Variants in SPTAN1 observed in about 807,000 individuals in gnomAD.
The protein encoded by SPTAN1 is spectrin alpha chain, non-erythrocytic 1.
SPTAN1 carries 61 observed loss-of-function variants against 331.3 expected under a neutral mutation model. That is an observed-to-expected ratio of 0.18 (90% CI 0.15 to 0.23). SPTAN1 has a LOEUF of 0.23. SPTAN1 is among the 10% of genes least tolerant of loss of function. The pLI is 1.00. For synonymous variants in SPTAN1, 1,153 were observed against 1,173.9 expected, an observed-to-expected ratio of 0.98 and a Z score of 0.36; for missense variants, 2,043 against 3,147.9, an observed-to-expected ratio of 0.65 and a Z score of 8.40.
chr9:128,608,353 G>C, intron 34 of SPTAN1, 77 bp downstream of exon 34: 2 of 1,571,070 alleles, frequency 1.3e-6, no homozygotes, highest in Non-Finnish European at 8.7e-7. Context: ...TATAGTCACT[G>C]TTATATCTCC....
At position 128,577,008 on chromosome 9, in the gene SPTAN1, T is replaced by C. The variant is rs1422697944; in HGVS notation, c.785+52T>C. ...AATGGGTCTCAACCTGGAGGGGAGT[T>C]GTGAAGCACAGGGCATGTGCTGGTG... On this transcript the variant is annotated intron_variant, in intron 6 of 56. Coordinates refer to ENST00000372739, the MANE Select transcript of SPTAN1 (RefSeq NM_001130438.3). The surrounding 1 kb of genome is among the most constrained non-coding windows in gnomAD (Gnocchi z 4.2). 2 of 1,613,812 alleles carry C rather than the reference T, an allele frequency of 1.2e-6. No individual in the cohort carries two copies. Among genetic ancestry groups the C allele is most frequent in the East Asian group, 2.2e-5 (1 of 44,904 alleles).
chr9:128,562,983 CATGTATGTGTATATATATATAT>C (rs1444590968), intron 1 of SPTAN1, among the ~76,000 whole-genome samples: 2,959 of 120,762 alleles, frequency 0.025, 113 homozygotes, highest in African/African-American at 0.1. Context: ...TATATATATA[CATGTATGTGTATATATATATAT>C]ATATATATAT....
rs773214983 is a variant in SPTAN1 at position 128,627,199 on chromosome 9, T to TG, written c.6577-181dup. 6.2e-6 allele frequency: 4 copies of TG among 646,086 alleles called. No homozygotes were observed. Among genetic ancestry groups the TG allele is most frequent in the Admixed American group, 4.4e-5 (2 of 45,666 alleles). The allele number at this position is 646,086 out of a possible 1,614,324, so 40.0% of individuals were successfully genotyped here. A position where few individuals can be genotyped will look rare whatever the true frequency, so the allele number is the denominator to read the frequency against. The stretch of plus-strand genomic sequence containing the variant: ...AGGTCCGCCTCTTCCTTGAAGCCCC[T>TG]GGGGGGTGGGAACAGAGAAAGAACT... On this transcript the variant is annotated intron_variant, in intron 49 of 56. Transcript: ENST00000372739. The surrounding 1 kb of genome is among the most constrained non-coding windows in gnomAD (Gnocchi z 4.9).
Position 128,577,556 on chromosome 9 carries a change from G to A in SPTAN1, c.1085+50G>A. 6.2e-7 allele frequency: 1 copy of A among 1,610,230 alleles called. No homozygotes were observed. Among genetic ancestry groups the A allele is most frequent in the Non-Finnish European group, 8.5e-7 (1 of 1,179,022 alleles). ...ACCAGTATCATTTGGCTTCTTTTTTGGAAGCAGGAATAGCAGAGTTAAGGG... is the reference window on the plus strand; with the variant it reads ...ACCAGTATCATTTGGCTTCTTTTTTAGAAGCAGGAATAGCAGAGTTAAGGG... On this transcript the variant is annotated intron_variant, in intron 8 of 56. Transcript: ENST00000372739. The surrounding 1 kb of genome is among the most constrained non-coding windows in gnomAD (Gnocchi z 4.2).
At position 128,617,706 on chromosome 9, in the gene SPTAN1, G is replaced by A. The variant is rs1857344671; in HGVS notation, c.5424G>A (p.Arg1808=). The A allele has an allele frequency of 3.1e-6, 5 of 1,614,046 alleles. No homozygotes were observed. The highest frequency in any genetic ancestry group is 4.2e-6 in the Non-Finnish European group (5 of 1,180,032). ...ACCTAACCGGCGTGCAGAACCTGAG[G>A]AAGAAGCACAAGCGGCTGGAAGCAG... ...GRDLTGVQNL[R]KKHKRLEAEL... is the part of the protein sequence containing the mutation. The change falls in exon 42 of 57, where the codon AGG becomes AGA. Residue 1808 remains arginine (R), a synonymous_variant. Coordinates refer to ENST00000372739, the MANE Select transcript of SPTAN1 (RefSeq NM_001130438.3).
At position 128,618,145 on chromosome 9, in the gene SPTAN1, G is replaced by A. The variant is rs769200048; in HGVS notation, c.5600+37G>A. The A allele has an allele frequency of 9.9e-6, 16 of 1,611,474 alleles. No homozygotes were observed. The South Asian group carries it at 1.8e-4, about 18-fold the overall frequency. ...GAGGCAGGAGCTCCCGGGAACAAGT[G>A]GAAGGCCAGCACCCAAGGGCAGACT... On this transcript the variant is annotated intron_variant, in intron 43 of 56. Transcript: ENST00000372739.
At chr9:128,605,851 G>T (rs146256117) in intron 31 of SPTAN1, among the ~76,000 whole-genome samples, 3,322 of 152,152 alleles carry the variant, frequency 0.022, 103 homozygotes, top group African/African-American at 0.076. Flanking sequence ...AATTAGCCAG[G>T]TGTGGTGGCA....
At chr9:128,578,325 A>G (rs1056109409) in intron 9 of SPTAN1, 80 bp downstream of exon 9, 10 of 1,574,006 alleles carry the variant, frequency 6.4e-6, no homozygotes, top group Middle Eastern at 1.7e-4. Flanking sequence ...GGTGAGGCCT[A>G]TAGTCGGCGT....
chr9:128,588,291 G>A (rs1011616409), intron 20 of SPTAN1, among the ~76,000 whole-genome samples: 4 of 145,112 alleles, frequency 2.8e-5, no homozygotes, highest in Non-Finnish European at 4.5e-5. Context: ...CACTGTGCCC[G>A]GCCCTACTTT....
At position 128,605,401 on chromosome 9, in the gene SPTAN1, C is replaced by T. The variant is rs147233101; in HGVS notation, c.3970C>T (p.Leu1324=). 185 of 1,614,180 alleles carry T rather than the reference C, an allele frequency of 1.1e-4. No homozygotes were observed. Among genetic ancestry groups the T allele is most frequent in the Middle Eastern group, 8.2e-4 (5 of 6,062 alleles). ...AGAGTTAAACCAGGCCTGGAGCAGCCTGGGGAAACGTGCAGATCAGCGCAA... is the reference window on the plus strand; with the variant it reads ...AGAGTTAAACCAGGCCTGGAGCAGCTTGGGGAAACGTGCAGATCAGCGCAA... ...CTELNQAWSS[L]GKRADQRKAK... Residue 1324 remains leucine, a synonymous_variant, in exon 31 of 57, where the codon CTG becomes TTG. Coordinates refer to ENST00000372739, the MANE Select transcript of SPTAN1 (RefSeq NM_001130438.3).
intron 44 of SPTAN1, among the ~76,000 whole-genome samples, chr9:128,619,427 G>T (rs1857577162): frequency 6.6e-6 from 1 of 152,216 alleles, no homozygotes; most frequent in Non-Finnish European, 1.5e-5. Flanking sequence ...AAGCAGGCAG[G>T]ACCATGTTCT....
chr9:128,633,152 C>G, intron 56 of SPTAN1, 57 bp from the exon 57 acceptor site: 2 of 1,612,348 alleles, frequency 1.2e-6, no homozygotes, highest in Non-Finnish European at 8.5e-7. Flanking sequence ...CCTGGGAGGT[C>G]GGGTTTGAAG....
At position 128,577,442 on chromosome 9, in the gene SPTAN1, A is replaced by G; in HGVS notation, c.1021A>G (p.Thr341Ala). The change falls in exon 8 of 57, where the codon ACA becomes GCA. Residue 341 changes from threonine (T) to alanine (A), a missense_variant. Physicochemically the swap from Thr to Ala is moderately conservative, Grantham distance 58. Coordinates refer to ENST00000372739, the MANE Select transcript of SPTAN1 (RefSeq NM_001130438.3). This position sits in a 1 kb window ranked among gnomAD's most constrained non-coding sequence, Gnocchi z 4.2. ...TCAAGTGAAGCGAGAGGAACTGATT[A>G]CAAACTGGGAGCAGATCCGCACCTT... ...QIQVKREELI[T>A]NWEQIRTLAA... is the part of the protein sequence containing the mutation. 12 of 1,614,232 alleles carry G rather than the reference A, an allele frequency of 7.4e-6. No individual in the cohort carries two copies. Among genetic ancestry groups the G allele is most frequent in the Non-Finnish European group, 1.0e-5 (12 of 1,180,044 alleles).
Position 128,559,786 on chromosome 9 carries a change from G to A in SPTAN1, c.-3-6952G>A, listed in dbSNP as rs566548909. Among the ~76,000 whole-genome samples, 5 of 151,210 alleles carry A rather than the reference G, an allele frequency of 3.3e-5. No individual in the cohort carries two copies. In the South Asian group the frequency reaches 1.0e-3, roughly 32 times the overall value. ...TTGCTTTTTCGTCGCCCAGGCTAGAGTGCAGTGGTGCGATCTTGGCTCACT... is the reference window on the plus strand; with the variant it reads ...TTGCTTTTTCGTCGCCCAGGCTAGAATGCAGTGGTGCGATCTTGGCTCACT... On this transcript the variant is annotated intron_variant, in intron 1 of 56. Transcript: ENST00000372739.
chr9:128,604,000 C>T (rs1293209320), intron 28 of SPTAN1, among the ~76,000 whole-genome samples: 2 of 152,194 alleles, frequency 1.3e-5, no homozygotes, highest in Admixed American at 1.3e-4. Context: ...GATTTCTCCA[C>T]GCAGCTGTGA....
intron 19 of SPTAN1, among the ~76,000 whole-genome samples, chr9:128,586,848 C>T (rs1420026169): frequency 1.3e-5 from 2 of 149,252 alleles, no homozygotes; most frequent in Non-Finnish European, 3.0e-5. Context: ...GACAGAGTCT[C>T]ACTCTGTCAT....
In SPTAN1 at chr9:128,627,470, G is replaced by A. The variant is rs1858943245; in HGVS notation, c.6661G>A (p.Ala2221Thr). The part of the protein sequence containing the change: ...LRQEFAQHAN[A>T]FHQWIQETRT... Reference sequence around the variant, plus strand: ...CCAGGAGTTTGCCCAGCACGCCAACGCCTTCCACCAGTGGATCCAAGAGAC... The same window carrying A: ...CCAGGAGTTTGCCCAGCACGCCAACACCTTCCACCAGTGGATCCAAGAGAC... Residue 2221 changes from alanine (A) to threonine (T), a missense_variant, in exon 50 of 57, where the codon GCC (alanine) becomes ACC (threonine). Physicochemically the swap from Ala to Thr is moderately conservative, Grantham distance 58 (BLOSUM62 0). Around this residue, in one of 12 missense-constraint regions of SPTAN1, gnomAD observed 256 missense variants for 376.4 expected, o/e 0.68. Transcript: ENST00000372739. This position sits in a 1 kb window ranked among gnomAD's most constrained non-coding sequence, Gnocchi z 4.9. 15 of 1,551,182 alleles carry A rather than the reference G, an allele frequency of 9.7e-6. No individual in the cohort carries two copies. Among genetic ancestry groups the A allele is most frequent in the South Asian group, 2.4e-5 (2 of 84,092 alleles).
In SPTAN1 at chr9:128,581,727, T is replaced by G. The variant is rs1851970232; in HGVS notation, c.1462-55T>G. ...CCAAAATACCCTTTGCTTCACAGTC[T>G]TAGAAGATCAAAGGAATAGGACATT... On this transcript the variant is annotated intron_variant, in intron 11 of 56. Transcript: ENST00000372739. 6.4e-6 allele frequency: 9 copies of G among 1,412,212 alleles called. 1 individual carries two copies. The South Asian group carries it at 8.0e-5, about 13-fold the overall frequency. The allele number at this position is 1,412,212 out of a possible 1,614,324, so 87.5% of individuals were successfully genotyped here.
At position 128,600,124 on chromosome 9, in the gene SPTAN1, TC is replaced by T; in HGVS notation, c.3579+11del. On this transcript the variant is annotated intron_variant, in intron 27 of 56. Transcript: ENST00000372739. ...CAGCCTCCCCGTGGAAGGTAAGAAC[TC>T]CTTTGCAAATTATTGTTTTCAAGAG... The T allele has an allele frequency of 6.2e-7, 1 of 1,614,078 alleles. No individual in the cohort carries two copies. Among genetic ancestry groups the T allele is most frequent in the South Asian group, 1.1e-5 (1 of 91,082 alleles).
Sources: gnomAD v4.1 joint callset for allele counts (sites outside exome capture counted in the v4.1 genomes callset) on GRCh38, gnomAD v4.1.1 for gene constraint, gnomAD v4.1.1 regional missense constraint, Gnocchi (gnomAD v3.1) non-coding constraint, MANE v1.5 for transcripts, NCBI Gene and HGNC (gene_info 2026-07-23, HGNC 2026-07-21) for gene names.